PLA2G4A: variants seen among roughly 807,000 people sequenced by gnomAD.
PLA2G4A encodes the protein phospholipase A2 group IVA.
A neutral mutation model predicts 81.9 loss-of-function variants in PLA2G4A; 40 were observed. The observed-to-expected ratio is 0.49, with a 90% CI of 0.38 to 0.64. The LOEUF is 0.64. Ranked by LOEUF, PLA2G4A falls within the 30% of genes least tolerant of loss-of-function variation. The probability of loss-of-function intolerance (pLI) is 0.00; values close to 1 mark genes in which losing one functional copy is unlikely to be tolerated. For missense variants in PLA2G4A, 715 were observed against 905.1 expected, an observed-to-expected ratio of 0.79 and a Z score of 2.69; for synonymous variants, 302 against 296.9, an observed-to-expected ratio of 1.02 and a Z score of -0.18.
chr1:186,951,781 T>C (rs1656570285), intron 13 of PLA2G4A, among the ~76,000 whole-genome samples: 1 of 152,190 alleles, frequency 6.6e-6, no homozygotes, highest in Non-Finnish European at 1.5e-5. Context: ...GCTTGGCTAG[T>C]GTATGTTGTC....
chr1:186,871,157 T>C (rs970804268), intron 3 of PLA2G4A, among the ~76,000 whole-genome samples: 1 of 152,158 alleles, frequency 6.6e-6, no homozygotes, highest in African/African-American at 2.4e-5. Flanking sequence ...GGAATAGCCA[T>C]AGAAACTGGT....
At chr1:186,857,149 A>AATATAT in intron 2 of PLA2G4A, among the ~76,000 whole-genome samples, 1 of 49,610 alleles carries the variant, frequency 2.0e-5, no homozygotes, top group African/African-American at 1.0e-4. Context: ...ATAATTATAT[A>AATATAT]ATTACATAAT....
intron 14 of PLA2G4A, among the ~76,000 whole-genome samples, chr1:186,963,239 G>T (rs1164453497): frequency 1.3e-5 from 2 of 152,134 alleles, no homozygotes; most frequent in Non-Finnish European, 1.5e-5. Flanking sequence ...ATTTTTACCT[G>T]TAAGATGTTC....
intron 3 of PLA2G4A, among the ~76,000 whole-genome samples, chr1:186,887,228 T>C (rs1050570333): frequency 2.3e-4 from 35 of 152,256 alleles, no homozygotes; most frequent in African/African-American, 7.9e-4. Context: ...AAATTACTTG[T>C]AATCTGTTTT....
chr1:186,833,232 A>G (rs909737870), intron 1 of PLA2G4A, among the ~76,000 whole-genome samples: 1 of 152,082 alleles, frequency 6.6e-6, no homozygotes, highest in Non-Finnish European at 1.5e-5. Context: ...AATCTTATTA[A>G]AAATTTTGAA....
intron 3 of PLA2G4A, among the ~76,000 whole-genome samples, chr1:186,876,543 A>C (rs901863700): frequency 6.6e-6 from 1 of 152,144 alleles, no homozygotes; most frequent in Non-Finnish European, 1.5e-5. Flanking sequence ...CCTATAAATT[A>C]GGAGTAGGGC....
intron 10 of PLA2G4A, among the ~76,000 whole-genome samples, chr1:186,945,215 A>C (rs1447895344): frequency 1.3e-5 from 2 of 152,174 alleles, no homozygotes. Context: ...AGTGGGAATG[A>C]ACTTGACTTC....
chr1:186,882,746 G>T (rs888754745), intron 3 of PLA2G4A, among the ~76,000 whole-genome samples: 12 of 152,118 alleles, frequency 7.9e-5, no homozygotes, highest in Non-Finnish European at 1.5e-4. Context: ...AAGCAACTAA[G>T]AGATTATGCT....
intron 13 of PLA2G4A, among the ~76,000 whole-genome samples, chr1:186,954,754 G>T (rs1050929743): frequency 6.6e-6 from 1 of 151,744 alleles, no homozygotes; most frequent in Non-Finnish European, 1.5e-5. Flanking sequence ...TATATACAGG[G>T]TTCCTAGAAA....
At chr1:186,941,929 C>T (rs1162074367) in intron 10 of PLA2G4A, among the ~76,000 whole-genome samples, 2 of 152,010 alleles carry the variant, frequency 1.3e-5, no homozygotes, top group East Asian at 1.9e-4. Context: ...AATGTTTTGC[C>T]AAAAAATGAG....
Position 186,932,759 on chromosome 1 carries a change from T to G in PLA2G4A, c.559-4T>G. ...GTACAAATCTCTCTGTTGCATCGTT[T>G]CAGGTGCCTGTGGTAGCCATATTGG... On this transcript the variant is annotated splice_region_variant and splice_polypyrimidine_tract_variant and intron_variant, in intron 7 of 17. Coordinates refer to ENST00000367466, the MANE Select transcript of PLA2G4A (RefSeq NM_024420.3). 1 of 1,613,610 alleles carries G rather than the reference T, an allele frequency of 6.2e-7. No homozygotes were observed. The highest frequency in any genetic ancestry group is 8.5e-7 in the Non-Finnish European group (1 of 1,179,532).
chr1:186,967,138 T>C (rs1571453003), intron 15 of PLA2G4A, among the ~76,000 whole-genome samples: 1 of 152,304 alleles, frequency 6.6e-6, no homozygotes, highest in East Asian at 1.9e-4. Flanking sequence ...TCTGTTTTTT[T>C]CTCTATCATA....
At chr1:186,853,982 G>A (rs74137524) in intron 1 of PLA2G4A, among the ~76,000 whole-genome samples, 2,167 of 151,900 alleles carry the variant, frequency 0.014, 62 homozygotes, top group African/African-American at 0.048. Flanking sequence ...TTAAGTTTCC[G>A]TAATTTCAAC....
rs999819009 is a variant in PLA2G4A, at chr1:186,940,578, C to T, written c.1033+484C>T. 2.6e-5 allele frequency among the ~76,000 whole-genome samples: 4 copies of T among 152,112 alleles called. No individual in the cohort carries two copies. In the East Asian group the frequency reaches 7.7e-4, roughly 29 times the overall value. ...AAAATGGCACAGTGTTTGCAGGTAA[C>T]CTACACACATTCTTATGTATACTTT... On this transcript the variant is annotated intron_variant, in intron 10 of 17. Coordinates refer to ENST00000367466, the MANE Select transcript of PLA2G4A (RefSeq NM_024420.3).
chr1:186,855,461 T>G (rs977963872), intron 2 of PLA2G4A, among the ~76,000 whole-genome samples: 4 of 152,012 alleles, frequency 2.6e-5, no homozygotes, highest in Admixed American at 2.6e-4. Flanking sequence ...ATTGTTAAGC[T>G]TGATGGATTT....
rs1657971503 is a variant in PLA2G4A at position 186,988,613 on chromosome 1, G to A, written c.*105G>A. The A allele has an allele frequency of 4.0e-6, 4 of 990,696 alleles. No homozygotes were observed. In the Admixed American group the frequency reaches 6.9e-5, roughly 17 times the overall value. The allele number at this position is 990,696 out of a possible 1,614,324, so 61.4% of individuals were successfully genotyped here. On this transcript the variant is annotated 3_prime_UTR_variant, in exon 18 of 18. Transcript: ENST00000367466. ...ACAGATAGTCGTACTGATCATGAGA[G>A]ACTGGCTGATACTCAAAGTTGCAGT...
In PLA2G4A at chr1:186,907,038, T is replaced by C. The variant is rs763254959; in HGVS notation, c.416+36T>C. The C allele has an allele frequency of 2.8e-6, 3 of 1,085,972 alleles. No homozygotes were observed. In the Admixed American group the frequency reaches 5.1e-5, roughly 18 times the overall value. The allele number at this position is 1,085,972 out of a possible 1,614,324, so 67.3% of individuals were successfully genotyped here. On this transcript the variant is annotated intron_variant, in intron 6 of 17. Coordinates refer to ENST00000367466, the MANE Select transcript of PLA2G4A (RefSeq NM_024420.3). The stretch of plus-strand genomic sequence containing the variant: ...TTATTTAGTTGGATGAGAAATATTG[T>C]GAGTGATCCACTAATTTATTTTAAT...
At chr1:186,886,633 G>T (rs1653947532) in intron 3 of PLA2G4A, among the ~76,000 whole-genome samples, 1 of 152,154 alleles carries the variant, frequency 6.6e-6, no homozygotes, top group South Asian at 2.1e-4. Context: ...GATAATTGAA[G>T]CATAACATTT....
At chr1:186,921,016 C>A (rs1655330999) in intron 7 of PLA2G4A, among the ~76,000 whole-genome samples, 1 of 152,238 alleles carries the variant, frequency 6.6e-6, no homozygotes, top group African/African-American at 2.4e-5. Context: ...GTAAGCCTCA[C>A]ACAGTCTTTC....
Sources: gnomAD v4.1 joint callset for allele counts (sites outside exome capture counted in the v4.1 genomes callset) on GRCh38, gnomAD v4.1.1 for gene constraint, MANE v1.5 for transcripts, NCBI Gene and HGNC (gene_info 2026-07-23, HGNC 2026-07-21) for gene names.